The following CDIN1 variants were observed in gnomAD, a reference collection of about 807,000 sequenced individuals.
The protein encoded by CDIN1 is CDAN1-interacting nuclease 1.
In CDIN1, 33 loss-of-function variants were observed where a neutral mutation model predicts 45.3. The ratio of observed to expected loss-of-function variants is 0.73; its 90% CI spans 0.55 to 0.97. The LOEUF is 0.97. CDIN1 is among the 50% of genes least tolerant of loss of function. The pLI is 0.00. For missense variants in CDIN1, 303 were observed against 339.4 expected (o/e 0.89, Z 0.84); for synonymous variants, 118 against 124.4 (o/e 0.95, Z 0.34).
intron 1 of CDIN1, among the ~76,000 whole-genome samples, chr15:36,616,580 G>C (rs2038902113): frequency 6.6e-6 from 1 of 152,078 alleles, no homozygotes; most frequent in South Asian, 2.1e-4. Flanking sequence ...AGTCTGCATA[G>C]AGTAATATCA....
intron 1 of CDIN1, among the ~76,000 whole-genome samples, chr15:36,586,450 G>A (rs1240789621): frequency 1.3e-5 from 2 of 152,050 alleles, no homozygotes; most frequent in Non-Finnish European, 2.9e-5. Context: ...TATGTGAAAC[G>A]AACTACCCTA....
chr15:36,715,573 A>G (rs2043190019), intron 10 of CDIN1, among the ~76,000 whole-genome samples: 1 of 151,388 alleles, frequency 6.6e-6, no homozygotes, highest in African/African-American at 2.5e-5. Context: ...GTGCCTTAGC[A>G]ATAGAAGCTC....
chr15:36,754,707 GA>G (rs1407224459), intron 10 of CDIN1, among the ~76,000 whole-genome samples: 1 of 151,692 alleles, frequency 6.6e-6, no homozygotes, highest in African/African-American at 2.4e-5. Context: ...AGGCCATAAA[GA>G]AAAACAATTA....
At chr15:36,800,831 A>G (rs2141125645) in intron 10 of CDIN1, among the ~76,000 whole-genome samples, 1 of 146,836 alleles carries the variant, frequency 6.8e-6, no homozygotes, top group South Asian at 2.2e-4. Context: ...AGAGAAAAAG[A>G]AATATATATA....
intron 1 of CDIN1, among the ~76,000 whole-genome samples, chr15:36,602,724 G>A (rs1595729004): frequency 6.6e-6 from 1 of 152,184 alleles, no homozygotes; most frequent in South Asian, 2.1e-4. Flanking sequence ...TGTAATCCCA[G>A]CACTTTGGGA....
intron 10 of CDIN1, among the ~76,000 whole-genome samples, chr15:36,792,855 T>C (rs2141093277): frequency 6.6e-6 from 1 of 152,288 alleles, no homozygotes; most frequent in South Asian, 2.1e-4. Context: ...CCAAGCACCT[T>C]GGTCTGCTAT....
chr15:36,790,722 G>C (rs2054622131), intron 10 of CDIN1, among the ~76,000 whole-genome samples: 1 of 152,178 alleles, frequency 6.6e-6, no homozygotes, highest in African/African-American at 2.4e-5. Flanking sequence ...AAAAGTTCCA[G>C]TTCATTTTCC....
chr15:36,759,222 G>C (rs2053690483), intron 10 of CDIN1, among the ~76,000 whole-genome samples: 1 of 151,992 alleles, frequency 6.6e-6, no homozygotes, highest in African/African-American at 2.4e-5. Flanking sequence ...AAGAGGAGAG[G>C]CGCCTCTTCT....
chr15:36,807,786 T>C (rs1438212087), intron 10 of CDIN1, among the ~76,000 whole-genome samples: 1 of 152,230 alleles, frequency 6.6e-6, no homozygotes, highest in East Asian at 1.9e-4. Context: ...GTGTGTCATA[T>C]GGATGACAGG....
chr15:36,729,787 C>T (rs2043774946), intron 10 of CDIN1, among the ~76,000 whole-genome samples: 1 of 152,152 alleles, frequency 6.6e-6, no homozygotes, highest in African/African-American at 2.4e-5. Context: ...AGGAGGTTCT[C>T]TGTGAACATT....
At chr15:36,720,451 C>T (rs1011334058) in intron 10 of CDIN1, among the ~76,000 whole-genome samples, 7 of 144,696 alleles carry the variant, frequency 4.8e-5, no homozygotes, top group Non-Finnish European at 1.1e-4. Context: ...TGACAGGCCC[C>T]AGAGTGTGAT....
At chr15:36,727,371 CTT>C (rs1566934153) in intron 10 of CDIN1, among the ~76,000 whole-genome samples, 3 of 150,296 alleles carry the variant, frequency 2.0e-5, no homozygotes, top group African/African-American at 4.9e-5. Flanking sequence ...AGTAGACACA[CTT>C]TTTCCCCCTC....
At position 36,719,591 on chromosome 15, in the gene CDIN1, T is replaced by G. The variant is rs545977333; in HGVS notation, c.716+9630T>G. On this transcript the variant is annotated intron_variant, in intron 10 of 10. Coordinates refer to ENST00000566621, the MANE Select transcript of CDIN1 (RefSeq NM_001321759.2). ...CAGGTTCATGTTTTATTTTTCCTTC[T>G]AAAGTATTTATCTGGTATTGGTATT... Among the ~76,000 whole-genome samples the G allele has an allele frequency of 3.3e-5, 5 of 152,272 alleles. No individual in the cohort carries two copies. In the East Asian group the frequency reaches 9.7e-4, roughly 29 times the overall value.
At chr15:36,783,816 C>CA (rs2141061899) in intron 10 of CDIN1, among the ~76,000 whole-genome samples, 1 of 152,322 alleles carries the variant, frequency 6.6e-6, no homozygotes, top group South Asian at 2.1e-4. Context: ...ATAATGGTGG[C>CA]ACAGACACCT....
chr15:36,583,933 A>G (rs940758988), intron 1 of CDIN1, among the ~76,000 whole-genome samples: 31 of 152,104 alleles, frequency 2.0e-4, no homozygotes, highest in South Asian at 4.2e-4. Context: ...GGAGAATGGC[A>G]TGAACCTGGG....
Position 36,632,583 on chromosome 15 carries a change from C to T in CDIN1, c.102-11695C>T, listed in dbSNP as rs976064996. On this transcript the variant is annotated intron_variant, in intron 1 of 10. Transcript: ENST00000566621. ...CTCCCCTTGCCCTACCGTAGTTCAA[C>T]CATCTGGCGTTTCTCTGCATCTCAC... Among the ~76,000 whole-genome samples, 5 of 152,182 alleles carry T rather than the reference C, an allele frequency of 3.3e-5. 1 individual carries two copies. The highest frequency in any genetic ancestry group is 2.9e-5 in the Non-Finnish European group (2 of 68,036).
chr15:36,800,084 T>C (rs1168746866), intron 10 of CDIN1, among the ~76,000 whole-genome samples: 2 of 152,310 alleles, frequency 1.3e-5, no homozygotes, highest in Non-Finnish European at 1.5e-5. Context: ...TTTATATACA[T>C]TTAAATTTTT....
At chr15:36,630,260 T>A (rs941068679) in intron 1 of CDIN1, among the ~76,000 whole-genome samples, 2 of 152,218 alleles carry the variant, frequency 1.3e-5, no homozygotes, top group African/African-American at 4.8e-5. Context: ...AAATGTCCAG[T>A]GTCAATATGA....
intron 1 of CDIN1, chr15:36,594,938 T>C (rs2037743752): frequency 1.0e-6 from 1 of 980,530 alleles, no homozygotes; most frequent in Non-Finnish European, 1.2e-6. Flanking sequence ...TCTGTTTTTA[T>C]GAAGTTTACT....
Sources: gnomAD v4.1 joint callset for allele counts (sites outside exome capture counted in the v4.1 genomes callset) on GRCh38, gnomAD v4.1.1 for gene constraint, MANE v1.5 for transcripts, NCBI Gene and HGNC (gene_info 2026-07-23, HGNC 2026-07-21) for gene names.